OR51B4: variants seen among roughly 807,000 people sequenced by gnomAD.
OR51B4 encodes the protein olfactory receptor 51B4.
For synonymous variants in OR51B4, 147 were observed against 140.8 expected (o/e 1.04, Z -0.31); for missense variants, 402 against 379.8 (o/e 1.06, Z -0.49).
rs1170192116 is a variant in OR51B4, at chr11:5,301,536, T to C, written c.411A>G (p.Arg137=). 8 of 1,614,062 alleles carry C rather than the reference T, an allele frequency of 5.0e-6. No individual in the cohort carries two copies. The Admixed American group carries it at 1.3e-4, about 27-fold the overall frequency. The part of the protein sequence containing the change: ...LRYNCILTNS[R]VMNIGLGVLM... ...GTACCCCCAGTCCTATGTTCATCAC[T>C]CGGGAATTGGTAAGAATGCAGTTGT... Residue 137 remains arginine, a synonymous_variant, in exon 1 of 1, where the codon CGA becomes CGG. Coordinates refer to ENST00000380224, the MANE Select transcript of OR51B4 (RefSeq NM_033179.2).
rs368819927 is a variant in OR51B4 at position 5,301,211 on chromosome 11, G to A, written c.736C>T (p.Leu246=). 6.2e-7 allele frequency: 1 copy of A among 1,613,876 alleles called. No homozygotes were observed. The highest frequency in any genetic ancestry group is 1.3e-5 in the African/African-American group (1 of 74,898). ...NTCVSHISCV[L]VFHITVMGLS... ...CCCATCACAGTGATGTGAAATACTA[G>A]GACACAGCTAATATGGGAGACACAA... Residue 246 remains leucine (L), a synonymous_variant, in exon 1 of 1, where the codon CTA becomes TTA. Coordinates refer to ENST00000380224, the MANE Select transcript of OR51B4 (RefSeq NM_033179.2).
At position 5,301,414 on chromosome 11, in the gene OR51B4, T is replaced by C. The variant is rs998956342; in HGVS notation, c.533A>G (p.His178Arg). The C allele has an allele frequency of 6.2e-7, 1 of 1,614,182 alleles. No individual in the cohort carries two copies. The highest frequency in any genetic ancestry group is 1.3e-5 in the African/African-American group (1 of 75,046). ...SRALLHTFCL[H>R]QDVIKLACAD... Reference sequence around the variant, plus strand: ...ACAGGCGAGTTTTATGACATCTTGATGGAGGCAAAATGTGTGCAAGAGGGC... The same window carrying C: ...ACAGGCGAGTTTTATGACATCTTGACGGAGGCAAAATGTGTGCAAGAGGGC... The change falls in exon 1 of 1, where the codon CAT becomes CGT. Residue 178 changes from histidine (H) to arginine (R), a missense_variant. Coordinates refer to ENST00000380224, the MANE Select transcript of OR51B4 (RefSeq NM_033179.2).
chr11:5,301,650 G>A lies in OR51B4; in HGVS notation c.297C>T (p.Ser99=), dbSNP rs115459191. 7.4e-6 allele frequency: 12 copies of A among 1,614,196 alleles called. No individual in the cohort carries two copies. The highest frequency in any genetic ancestry group is 2.2e-5 in the East Asian group (1 of 44,886). The change falls in exon 1 of 1, where the codon TCC becomes TCT. Residue 99 remains serine (S), a synonymous_variant. Coordinates refer to ENST00000380224, the MANE Select transcript of OR51B4 (RefSeq NM_033179.2). ...EIAHAACFTQ[S]FIHSLAIVES... ...CTACAATGGCCAGTGAATGAATGAA[G>A]GATTGGGTGAAACAGGCAGCATGGG...
At position 5,301,410 on chromosome 11, in the gene OR51B4, T is replaced by C. The variant is rs1848494719; in HGVS notation, c.537A>G (p.Gln179=). ...CAGCACAGGCGAGTTTTATGACATCTTGATGGAGGCAAAATGTGTGCAAGA... is the reference window on the plus strand; with the variant it reads ...CAGCACAGGCGAGTTTTATGACATCCTGATGGAGGCAAAATGTGTGCAAGA... ...RALLHTFCLH[Q]DVIKLACADI... is the part of the protein sequence containing the mutation. The change falls in exon 1 of 1, where the codon CAA becomes CAG. Residue 179 remains glutamine, a synonymous_variant. Transcript: ENST00000380224. 6.2e-6 allele frequency: 10 copies of C among 1,614,162 alleles called. No individual in the cohort carries two copies. Among genetic ancestry groups the C allele is most frequent in the Non-Finnish European group, 8.5e-6 (10 of 1,180,028 alleles).
rs1291993074 is a variant in OR51B4, at chr11:5,301,302, A to G, written c.645T>C (p.Tyr215=). 1.2e-6 allele frequency: 2 copies of G among 1,613,992 alleles called. No individual in the cohort carries two copies. Among genetic ancestry groups the G allele is most frequent in the African/African-American group, 1.3e-5 (1 of 74,936 alleles). ...FLDALIIIFS[Y]ILILKTVMGI... is the part of the protein sequence containing the mutation. ...CCATCACTGTCTTGAGGATTAGTAT[A>G]TAAGAAAAGATGATGATTAGAGCAT... Residue 215 remains tyrosine, a synonymous_variant, in exon 1 of 1, where the codon TAT becomes TAC. Transcript: ENST00000380224.
rs763408843 is a variant in OR51B4 at position 5,301,741 on chromosome 11, A to T, written c.206T>A (p.Leu69His). The T allele has an allele frequency of 1.2e-6, 2 of 1,614,066 alleles. No individual in the cohort carries two copies. The highest frequency in any genetic ancestry group is 1.7e-5 in the Admixed American group (1 of 60,008). The change falls in exon 1 of 1, where the codon CTT becomes CAT. Residue 69 changes from leucine to histidine, a missense_variant. Transcript: ENST00000380224. ...GGGCATTGTAGTGAATGTCATCCCA[A>T]GGTCCGTGTCTGCCAGCATAGCCAG... ...YFLAMLADTD[L>H]GMTFTTMPTV...
chr11:5,301,173 A>G lies in OR51B4; in HGVS notation c.774T>C (p.Ile258=), dbSNP rs762613911. The G allele has an allele frequency of 1.2e-6, 2 of 1,614,046 alleles. No individual in the cohort carries two copies. Among genetic ancestry groups the G allele is most frequent in the African/African-American group, 2.7e-5 (2 of 74,940 alleles). ...FHITVMGLSF[I]HRFGKHAPHV... is the part of the protein sequence containing the mutation. ...GAGGTGCATGTTTCCCAAACCTGTG[A>G]ATGAATGACAGTCCCATCACAGTGA... Residue 258 remains isoleucine (I), a synonymous_variant, in exon 1 of 1, where the codon ATT becomes ATC. Transcript: ENST00000380224.
At position 5,301,297 on chromosome 11, in the gene OR51B4, A is replaced by G. The variant is rs1486754385; in HGVS notation, c.650T>C (p.Leu217Pro). 1 of 1,614,114 alleles carries G rather than the reference A, an allele frequency of 6.2e-7. No individual in the cohort carries two copies. The highest frequency in any genetic ancestry group is 1.7e-5 in the Admixed American group (1 of 59,996). ...AATGCCCATCACTGTCTTGAGGATTAGTATATAAGAAAAGATGATGATTAG... is the reference window on the plus strand; with the variant it reads ...AATGCCCATCACTGTCTTGAGGATTGGTATATAAGAAAAGATGATGATTAG... ...DALIIIFSYILILKTVMGIAS... is the reference protein window; with the variant it reads ...DALIIIFSYIPILKTVMGIAS... Residue 217 changes from leucine to proline, a missense_variant, in exon 1 of 1, where the codon CTA becomes CCA. By Grantham distance (98) the Leu-to-Pro change is moderately conservative. Transcript: ENST00000380224.
In OR51B4 at chr11:5,301,680, C is replaced by T. The variant is rs778836670; in HGVS notation, c.267G>A (p.Glu89=). Residue 89 remains glutamate (E), a synonymous_variant, in exon 1 of 1, where the codon GAG becomes GAA. Coordinates refer to ENST00000380224, the MANE Select transcript of OR51B4 (RefSeq NM_033179.2). ...GGGTGAAACAGGCAGCATGGGCAAT[C>T]TCCCTCTGGTCTAGCAGCAGGACAC... ...VLGVLLLDQR[E]IAHAACFTQS... The T allele has an allele frequency of 6.2e-7, 1 of 1,614,180 alleles. No homozygotes were observed. The highest frequency in any genetic ancestry group is 2.2e-5 in the East Asian group (1 of 44,884).
chr11:5,301,131 G>T lies in OR51B4; in HGVS notation c.816C>A (p.Thr272=). Residue 272 remains threonine (T), a synonymous_variant, in exon 1 of 1, where the codon ACC becomes ACA. Transcript: ENST00000380224. ...GAAAGAGAAAATGGACATAGCTCATGGTAATGGGGACCACATGAGGTGCAT... is the reference window on the plus strand; with the variant it reads ...GAAAGAGAAAATGGACATAGCTCATTGTAATGGGGACCACATGAGGTGCAT... ...GKHAPHVVPI[T]MSYVHFLFPP... is the part of the protein sequence containing the mutation. 1 of 1,613,876 alleles carries T rather than the reference G, an allele frequency of 6.2e-7. No individual in the cohort carries two copies. The highest frequency in any genetic ancestry group is 8.5e-7 in the Non-Finnish European group (1 of 1,179,830).
rs1269808398 is a variant in OR51B4, at chr11:5,301,896, G to C, written c.51C>G (p.Gly17=). 1 of 1,603,278 alleles carries C rather than the reference G, an allele frequency of 6.2e-7. No homozygotes were observed. Among genetic ancestry groups the C allele is most frequent in the East Asian group, 2.2e-5 (1 of 44,880 alleles). Residue 17 remains glycine (G), a synonymous_variant, in exon 1 of 1, where the codon GGC becomes GGG. Coordinates refer to ENST00000380224, the MANE Select transcript of OR51B4 (RefSeq NM_033179.2). ...AGPFLLTGFL[G]SEAVHYRISM... Reference sequence around the variant, plus strand: ...AGATCCGGTAGTGAACTGCCTCTGAGCCCAAGAAGCCAGTCAGCAAGAAGG... The same window carrying C: ...AGATCCGGTAGTGAACTGCCTCTGACCCCAAGAAGCCAGTCAGCAAGAAGG...
At position 5,301,080 on chromosome 11, in the gene OR51B4, A is replaced by G. The variant is rs1317055619; in HGVS notation, c.867T>C (p.Tyr289=). 3.1e-6 allele frequency: 5 copies of G among 1,613,930 alleles called. No homozygotes were observed. Among genetic ancestry groups the G allele is most frequent in the Non-Finnish European group, 4.2e-6 (5 of 1,179,952 alleles). ...TTTGAATCTGCTTGGTCTTGATGCT[A>G]TAAATGATAGGATTCACGAATGGAG... ...LFPPFVNPII[Y]SIKTKQIQRS... Residue 289 remains tyrosine (Y), a synonymous_variant, in exon 1 of 1, where the codon TAT becomes TAC. Coordinates refer to ENST00000380224, the MANE Select transcript of OR51B4 (RefSeq NM_033179.2).
Position 5,301,500 on chromosome 11 carries a change from A to G in OR51B4, c.447T>C (p.Gly149=). ...MNIGLGVLMR[G]FMSILPIILS... The stretch of plus-strand genomic sequence containing the variant: ...GAATTATGGGCAAAATGGACATAAA[A>G]CCTCTCATCAGTACCCCCAGTCCTA... The change falls in exon 1 of 1, where the codon GGT becomes GGC. Residue 149 remains glycine (G), a synonymous_variant. Coordinates refer to ENST00000380224, the MANE Select transcript of OR51B4 (RefSeq NM_033179.2). The G allele has an allele frequency of 6.2e-7, 1 of 1,614,152 alleles. No homozygotes were observed. The highest frequency in any genetic ancestry group is 8.5e-7 in the Non-Finnish European group (1 of 1,180,024).
Position 5,301,242 on chromosome 11 carries a change from G to T in OR51B4, c.705C>A (p.Leu235=). 6.2e-7 allele frequency: 1 copy of T among 1,613,812 alleles called. No homozygotes were observed. The highest frequency in any genetic ancestry group is 1.1e-5 in the South Asian group (1 of 91,054). ...IASGQEEAKS[L]NTCVSHISCV... ...AGCTAATATGGGAGACACAAGTGTT[G>T]AGAGATTTAGCTTCCTCTTGTCCAG... Residue 235 remains leucine (L), a synonymous_variant, in exon 1 of 1, where the codon CTC becomes CTA. Transcript: ENST00000380224.
At position 5,301,855 on chromosome 11, in the gene OR51B4, A is replaced by T; in HGVS notation, c.92T>A (p.Val31Asp). Residue 31 changes from valine to aspartate, a missense_variant, in exon 1 of 1, where the codon GTC (valine) becomes GAC (aspartate). By Grantham distance (152) the Val-to-Asp change is radical (BLOSUM62 -3). Transcript: ENST00000380224. Reference protein sequence around the residue: ...VHYRISMSFFVIYFSVLFGNG... With the variant: ...VHYRISMSFFDIYFSVLFGNG... ...TCCAAAAAGGACGGAGAAGTAGATG[A>T]CAAAGAAGGACATAGAGATCCGGTA... 1 of 1,613,634 alleles carries T rather than the reference A, an allele frequency of 6.2e-7. No homozygotes were observed. Among genetic ancestry groups the T allele is most frequent in the Non-Finnish European group, 8.5e-7 (1 of 1,179,726 alleles).
At position 5,301,615 on chromosome 11, in the gene OR51B4, A is replaced by C; in HGVS notation, c.332T>G (p.Ile111Ser). Residue 111 changes from isoleucine to serine, a missense_variant, in exon 1 of 1, where the codon ATC becomes AGC. Ile to Ser is a moderately radical substitution (Grantham distance 142). Transcript: ENST00000380224. ...ACAGTCATAGGCCAAAACAAGCAAG[A>C]TACCTGATTCTACAATGGCCAGTGA... ...IHSLAIVESGILLVLAYDCFI... is the reference protein window; with the variant it reads ...IHSLAIVESGSLLVLAYDCFI... 6.2e-7 allele frequency: 1 copy of C among 1,614,198 alleles called. No individual in the cohort carries two copies. The highest frequency in any genetic ancestry group is 1.3e-5 in the African/African-American group (1 of 75,040).
rs749754427 is a variant in OR51B4, at chr11:5,301,833, A to C, written c.114T>G (p.Phe38Leu). 10 of 1,614,056 alleles carry C rather than the reference A, an allele frequency of 6.2e-6. No individual in the cohort carries two copies. The highest frequency in any genetic ancestry group is 8.5e-6 in the Non-Finnish European group (10 of 1,179,966). The stretch of plus-strand genomic sequence containing the variant: ...TGAGGACAAGAAGAGTGCCATTTCC[A>C]AAAAGGACGGAGAAGTAGATGACAA... Reference protein sequence around the residue: ...SFFVIYFSVLFGNGTLLVLIW... With the variant: ...SFFVIYFSVLLGNGTLLVLIW... The change falls in exon 1 of 1, where the codon TTT becomes TTG. Residue 38 changes from phenylalanine to leucine, a missense_variant. Coordinates refer to ENST00000380224, the MANE Select transcript of OR51B4 (RefSeq NM_033179.2).
In OR51B4 at chr11:5,301,372, T is replaced by C. The variant is rs967108937; in HGVS notation, c.575A>G (p.Asn192Ser). ...IKLACADITFNHIYPIIQTSL... is the reference protein window; with the variant it reads ...IKLACADITFSHIYPIIQTSL... ...AGTCTGAATAATTGGATATATGTGA[T>C]TAAACGTGATATCAGCACAGGCGAG... Residue 192 changes from asparagine (N) to serine (S), a missense_variant, in exon 1 of 1, where the codon AAT becomes AGT. By Grantham distance (46) the Asn-to-Ser change is conservative. Coordinates refer to ENST00000380224, the MANE Select transcript of OR51B4 (RefSeq NM_033179.2). 1.1e-5 allele frequency: 18 copies of C among 1,614,052 alleles called. No homozygotes were observed. Among genetic ancestry groups the C allele is most frequent in the East Asian group, 6.7e-5 (3 of 44,882 alleles).
Position 5,301,736 on chromosome 11 carries a change from T to C in OR51B4, c.211A>G (p.Met71Val). Reference protein sequence around the residue: ...LAMLADTDLGMTFTTMPTVLG... With the variant: ...LAMLADTDLGVTFTTMPTVLG... ...ACTGTGGGCATTGTAGTGAATGTCA[T>C]CCCAAGGTCCGTGTCTGCCAGCATA... The change falls in exon 1 of 1, where the codon ATG becomes GTG. Residue 71 changes from methionine to valine, a missense_variant. Physicochemically the swap from Met to Val is conservative, Grantham distance 21. Transcript: ENST00000380224. The C allele has an allele frequency of 6.2e-7, 1 of 1,614,038 alleles. No individual in the cohort carries two copies. The highest frequency in any genetic ancestry group is 8.5e-7 in the Non-Finnish European group (1 of 1,179,966).
Sources: gnomAD v4.1 joint callset for allele counts on GRCh38, gnomAD v4.1.1 for gene constraint, MANE v1.5 for transcripts, NCBI Gene and HGNC (gene_info 2026-07-23, HGNC 2026-07-21) for gene names.